Variants in KIF26B observed in about 807,000 individuals in gnomAD.
The protein encoded by KIF26B is kinesin-like protein KIF26B.
In KIF26B, 63 loss-of-function variants were observed where a neutral mutation model predicts 151.2. The observed-to-expected ratio is 0.42, with a 90% CI of 0.34 to 0.51. The LOEUF (loss-of-function observed/expected upper bound fraction) is 0.51, where lower values mean the gene tolerates loss of function less well. Among genes scored for constraint, KIF26B ranks in the 20% least tolerant of loss-of-function variants. The pLI, the probability that KIF26B is intolerant of heterozygous loss-of-function variation, is 0.07. For missense variants in KIF26B, 2,813 were observed against 2,913.6 expected (o/e 0.97, Z 0.79); for synonymous variants, 1,357 against 1,262.1 (o/e 1.08, Z -1.59).
rs576055941 is a variant in KIF26B, at chr1:245,573,438, G to A, written c.1351-29139G>A. On this transcript the variant is annotated intron_variant, in intron 5 of 14. Coordinates refer to ENST00000407071, the MANE Select transcript of KIF26B (RefSeq NM_018012.4). The stretch of plus-strand genomic sequence containing the variant: ...CTCAGGAGGCTGAGGCAGAAGAATC[G>A]CTTGAACCCAGGAGGTGGAGGTTGC... Among the ~76,000 whole-genome samples the A allele has an allele frequency of 1.4e-3, 217 of 152,174 alleles. 1 individual carries two copies. The highest frequency in any genetic ancestry group is 0.014 in the Middle Eastern group (4 of 292).
At chr1:245,694,300 G>A (rs1259904756) in intron 12 of KIF26B, among the ~76,000 whole-genome samples, 1 of 152,212 alleles carries the variant, frequency 6.6e-6, no homozygotes, top group African/African-American at 2.4e-5. Context: ...TTCTCTCTCT[G>A]CTCTGATATC....
At chr1:245,591,954 C>T (rs946943101) in intron 5 of KIF26B, among the ~76,000 whole-genome samples, 5 of 152,170 alleles carry the variant, frequency 3.3e-5, no homozygotes, top group Non-Finnish European at 5.9e-5. Context: ...GGTTTCAACT[C>T]CCTCCCTCCA....
rs763739351 is a variant in KIF26B at position 245,611,759 on chromosome 1, C to G, written c.1915-34C>G. ...ATGAGTGACAGCAAGCCCTCCTCAG[C>G]CTGCAGCCTCATCTCTTGGCTTCTG... On this transcript the variant is annotated intron_variant, in intron 8 of 14. Coordinates refer to ENST00000407071, the MANE Select transcript of KIF26B (RefSeq NM_018012.4). 6 of 1,600,012 alleles carry G rather than the reference C, an allele frequency of 3.7e-6. No homozygotes were observed. In the Admixed American group the frequency reaches 1.0e-4, roughly 27 times the overall value.
At chr1:245,663,202 C>A (rs894448931) in intron 10 of KIF26B, among the ~76,000 whole-genome samples, 1 of 103,906 alleles carries the variant, frequency 9.6e-6, no homozygotes, top group Admixed American at 1.0e-4. Flanking sequence ...GGGGCACTTA[C>A]AAGGCTCAGC....
chr1:245,490,306 ATTTTTTT>A (rs57644744), intron 4 of KIF26B, among the ~76,000 whole-genome samples: 1 of 83,844 alleles, frequency 1.2e-5, no homozygotes. Flanking sequence ...TCTGTAGAAC[ATTTTTTT>A]TTTTTTTTTT....
At chr1:245,334,961 C>A (rs1198927917) in intron 2 of KIF26B, among the ~76,000 whole-genome samples, 1 of 152,172 alleles carries the variant, frequency 6.6e-6, no homozygotes, top group East Asian at 1.9e-4. Flanking sequence ...GGTCTCATGA[C>A]CTTAAGTTGG....
chr1:245,228,723 C>T (rs1238069265), intron 2 of KIF26B, among the ~76,000 whole-genome samples: 1 of 152,130 alleles, frequency 6.6e-6, no homozygotes, highest in East Asian at 1.9e-4. Flanking sequence ...ACTTAATCTT[C>T]GCAGTAATCT....
chr1:245,679,991 C>G (rs1402793235), intron 10 of KIF26B, among the ~76,000 whole-genome samples: 2 of 152,136 alleles, frequency 1.3e-5, no homozygotes, highest in African/African-American at 4.8e-5. Flanking sequence ...TCCCGCCTGG[C>G]TCTGGGGAGG....
intron 2 of KIF26B, among the ~76,000 whole-genome samples, chr1:245,223,626 T>G (rs1343959771): frequency 6.6e-6 from 1 of 152,204 alleles, no homozygotes; most frequent in Non-Finnish European, 1.5e-5. Flanking sequence ...ATAAATGGAA[T>G]AACAACAGAT....
At chr1:245,254,346 G>A (rs1670497994) in intron 2 of KIF26B, among the ~76,000 whole-genome samples, 1 of 152,120 alleles carries the variant, frequency 6.6e-6, no homozygotes, top group Admixed American at 6.6e-5. Context: ...AACTACTCAG[G>A]CGTTGTAACT....
intron 5 of KIF26B, among the ~76,000 whole-genome samples, chr1:245,559,163 A>G (rs1662108247): frequency 6.6e-6 from 1 of 152,114 alleles, no homozygotes; most frequent in Non-Finnish European, 1.5e-5. Flanking sequence ...TGGGCAACGT[A>G]GGGAGACCCC....
chr1:245,406,113 T>C (rs1220492868), intron 3 of KIF26B, among the ~76,000 whole-genome samples: 2 of 152,190 alleles, frequency 1.3e-5, no homozygotes, highest in African/African-American at 2.4e-5. Flanking sequence ...ATTATGACTT[T>C]AGGAAGCACA....
At chr1:245,281,845 CATTT>C (rs1225077512) in intron 2 of KIF26B, among the ~76,000 whole-genome samples, 1 of 151,698 alleles carries the variant, frequency 6.6e-6, no homozygotes, top group East Asian at 1.9e-4. Flanking sequence ...TTCCCAGCAC[CATTT>C]ATTAAATAGG....
chr1:245,245,899 C>G (rs1670319753), intron 2 of KIF26B, among the ~76,000 whole-genome samples: 1 of 138,440 alleles, frequency 7.2e-6, no homozygotes, highest in African/African-American at 2.7e-5. Context: ...ACAGTCCAGC[C>G]TGGGTGACAG....
chr1:245,246,123 T>A (rs923648783), intron 2 of KIF26B, among the ~76,000 whole-genome samples: 1 of 148,528 alleles, frequency 6.7e-6, no homozygotes, highest in African/African-American at 2.5e-5. Context: ...AAAGAAAGGT[T>A]TGCAGAGTAA....
intron 10 of KIF26B, among the ~76,000 whole-genome samples, chr1:245,660,989 C>CTTTTTT (rs35859643): frequency 7.2e-6 from 1 of 138,796 alleles, no homozygotes; most frequent in Non-Finnish European, 1.5e-5. Context: ...TTTCTTTTTT[C>CTTTTTT]TTTTTTTTTT....
Position 245,239,850 on chromosome 1 carries a change from C to A in KIF26B, c.465+83167C>A, listed in dbSNP as rs1426862060. Among the ~76,000 whole-genome samples, 2 of 152,008 alleles carry A rather than the reference C, an allele frequency of 1.3e-5. No homozygotes were observed. Among genetic ancestry groups the A allele is most frequent in the Non-Finnish European group, 2.9e-5 (2 of 67,992 alleles). Reference sequence around the variant, plus strand: ...GTTTTTCCTTCCAAAAGTTGTCTTTCCTGACAGTGTATTTTTATTTTACTA... The same window carrying A: ...GTTTTTCCTTCCAAAAGTTGTCTTTACTGACAGTGTATTTTTATTTTACTA... On this transcript the variant is annotated intron_variant, in intron 2 of 14. Coordinates refer to ENST00000407071, the MANE Select transcript of KIF26B (RefSeq NM_018012.4). The surrounding 1 kb of genome is among the most constrained non-coding windows in gnomAD (Gnocchi z 4.3).
intron 2 of KIF26B, among the ~76,000 whole-genome samples, chr1:245,201,953 C>T (rs908970576): frequency 2.0e-5 from 3 of 152,106 alleles, no homozygotes; most frequent in Non-Finnish European, 4.4e-5. Context: ...TTGCTTAGGT[C>T]GTTGCTGTTT....
chr1:245,317,648 C>T (rs10924169), intron 2 of KIF26B, among the ~76,000 whole-genome samples: 21,973 of 152,188 alleles, frequency 0.14, 2,124 homozygotes, highest in Admixed American at 0.25. Context: ...CTGTAAGTGT[C>T]GGAGAGGGAA....
Sources: allele counts gnomAD v4.1 joint callset (sites outside exome capture counted in the v4.1 genomes callset), GRCh38; gene constraint gnomAD v4.1.1; non-coding constraint Gnocchi (gnomAD v3.1); transcripts MANE v1.5; gene names NCBI Gene and HGNC (gene_info 2026-07-23, HGNC 2026-07-21).